The following ZNF638 variants were observed in gnomAD, a reference collection of about 807,000 sequenced individuals.
ZNF638 encodes the protein zinc finger protein 638, also known as CTCL tumor antigen se33-1.
In ZNF638, 46 loss-of-function variants were observed where a neutral mutation model predicts 195.6. That is an observed-to-expected ratio of 0.24 (90% CI 0.19 to 0.30). ZNF638 has a LOEUF of 0.30. Ranked by LOEUF, ZNF638 falls within the 10% of genes least tolerant of loss-of-function variation. The probability of loss-of-function intolerance (pLI) is 1.00; values close to 1 mark genes in which losing one functional copy is unlikely to be tolerated. For synonymous variants in ZNF638, 845 were observed against 772.0 expected, an observed-to-expected ratio of 1.09 and a Z score of -1.57; for missense variants, 2,440 against 2,325.3, an observed-to-expected ratio of 1.05 and a Z score of -1.01.
At chr2:71,409,572 T>C (rs1431448280) in intron 20 of ZNF638, among the ~76,000 whole-genome samples, 1 of 152,192 alleles carries the variant, frequency 6.6e-6, no homozygotes, top group African/African-American at 2.4e-5. Context: ...GTGAGTTTCT[T>C]ATATTCCCAG....
intron 20 of ZNF638, among the ~76,000 whole-genome samples, chr2:71,417,258 CCTTT>C (rs1483702050): frequency 6.6e-6 from 1 of 151,530 alleles, no homozygotes; most frequent in Non-Finnish European, 1.5e-5. Flanking sequence ...GTCCGTCACC[CCTTT>C]CTTTGACTCG....
Position 71,423,481 on chromosome 2 carries a change from G to A in ZNF638, c.3967G>A (p.Asp1323Asn), listed in dbSNP as rs759544281. ...ATTTAATACTAAGGAAACCAGAATGGATCTTCAAATAGGAACAGAGAAGGC... is the reference window on the plus strand; with the variant it reads ...ATTTAATACTAAGGAAACCAGAATGAATCTTCAAATAGGAACAGAGAAGGC... ...KEFNTKETRM[D>N]LQIGTEKAEK... The change falls in exon 22 of 28, where the codon GAT (aspartate) becomes AAT (asparagine). Residue 1323 changes from aspartate (D) to asparagine (N), a missense_variant. Asp to Asn is a conservative substitution (Grantham distance 23, BLOSUM62 1). Around this residue, in one of 5 missense-constraint regions of ZNF638, gnomAD observed 1,883 missense variants for 1,739.1 expected, o/e 1.08. Transcript: ENST00000264447. 1.2e-5 allele frequency: 20 copies of A among 1,613,562 alleles called. No homozygotes were observed. In the South Asian group the frequency reaches 1.8e-4, roughly 14 times the overall value.
chr2:71,420,920 C>A (rs945067601), intron 21 of ZNF638, among the ~76,000 whole-genome samples: 1 of 152,050 alleles, frequency 6.6e-6, no homozygotes. Context: ...TTAAATAATT[C>A]TTCTGAGTAG....
At chr2:71,394,988 A>G (rs187974119) in intron 10 of ZNF638, among the ~76,000 whole-genome samples, 12 of 152,204 alleles carry the variant, frequency 7.9e-5, no homozygotes, top group African/African-American at 1.7e-4. Context: ...CCTCTCTACC[A>G]TGGAACCAAT....
At position 71,349,133 on chromosome 2, in the gene ZNF638, C is replaced by T. The variant is rs751234024; in HGVS notation, c.179C>T (p.Ser60Phe). The T allele has an allele frequency of 8.1e-6, 13 of 1,614,174 alleles. No homozygotes were observed. Among genetic ancestry groups the T allele is most frequent in the Non-Finnish European group, 1.0e-5 (12 of 1,180,028 alleles). ...GIPHRFAGHE[S>F]YQNMGPQRMN... ...CCACACAGATTTGCTGGCCATGAAT[C>T]TTATCAGAACATGGGGCCACAGAGA... Residue 60 changes from serine (S) to phenylalanine (F), a missense_variant, in exon 2 of 28, where the codon TCT becomes TTT. Ser to Phe is a radical substitution (Grantham distance 155). Around this residue, in one of 5 missense-constraint regions of ZNF638, gnomAD observed 191 missense variants for 173.8 expected, o/e 1.10. Transcript: ENST00000264447.
intron 3 of ZNF638, among the ~76,000 whole-genome samples, chr2:71,356,009 T>A (rs2079016738): frequency 6.6e-6 from 1 of 152,228 alleles, no homozygotes. Flanking sequence ...GTAGGTAAAC[T>A]TTTTATGTCA....
In ZNF638 at chr2:71,397,235, C is replaced by T. The variant is rs186225628; in HGVS notation, c.2428+1044C>T. On this transcript the variant is annotated intron_variant, in intron 11 of 27. Transcript: ENST00000264447. ...CCCTTTACTTGCTGGAAATTAATGC[C>T]AGCTATTTTTTATTTTTTCCTTAAG... 3.0e-3 allele frequency among the ~76,000 whole-genome samples: 457 copies of T among 152,070 alleles called. 2 individuals are homozygous for T. Among genetic ancestry groups the T allele is most frequent in the African/African-American group, 0.011 (439 of 41,470 alleles).
chr2:71,364,271 A>G lies in ZNF638; in HGVS notation c.1717+19A>G, dbSNP rs2079158277. On this transcript the variant is annotated intron_variant, in intron 5 of 27. Transcript: ENST00000264447. ...TCATCAGGTACACTGATGGCCATGA[A>G]ATAGTGAATGTACTTATTTTGACTA... 2 of 1,593,540 alleles carry G rather than the reference A, an allele frequency of 1.3e-6. No individual in the cohort carries two copies. The highest frequency in any genetic ancestry group is 2.3e-5 in the South Asian group (2 of 88,324).
intron 3 of ZNF638, among the ~76,000 whole-genome samples, chr2:71,362,731 A>C (rs1205442662): frequency 6.6e-6 from 1 of 152,084 alleles, no homozygotes; most frequent in Non-Finnish European, 1.5e-5. Flanking sequence ...GATTCCTCTC[A>C]GTGGACATAT....
At position 71,426,533 on chromosome 2, in the gene ZNF638, A is replaced by G. The variant is rs1343864835; in HGVS notation, c.4664A>G (p.Gln1555Arg). Residue 1555 changes from glutamine (Q) to arginine (R), a missense_variant, in exon 24 of 28, where the codon CAG becomes CGG. By Grantham distance (43) the Gln-to-Arg change is conservative. This residue lies in a region of ZNF638 where 1,883 missense variants were observed against 1,739.1 expected (regional missense o/e 1.08). Coordinates refer to ENST00000264447, the MANE Select transcript of ZNF638 (RefSeq NM_014497.5). Reference protein sequence around the residue: ...DEVIEEVNPSQAKQNPLKGKR... With the variant: ...DEVIEEVNPSRAKQNPLKGKR... Reference sequence around the variant, plus strand: ...GTTATAGAAGAAGTGAATCCTTCTCAGGCCAAGCAGAATCCACTAAAGGGA... The same window carrying G: ...GTTATAGAAGAAGTGAATCCTTCTCGGGCCAAGCAGAATCCACTAAAGGGA... 5.0e-6 allele frequency: 8 copies of G among 1,613,152 alleles called. No individual in the cohort carries two copies. The highest frequency in any genetic ancestry group is 6.8e-6 in the Non-Finnish European group (8 of 1,179,810).
At chr2:71,350,505 A>G (rs1323071596) in intron 2 of ZNF638, among the ~76,000 whole-genome samples, 1 of 152,202 alleles carries the variant, frequency 6.6e-6, no homozygotes, top group Non-Finnish European at 1.5e-5. Flanking sequence ...TAGTGTGTCC[A>G]TTTATTTTGA....
Position 71,349,243 on chromosome 2 carries a change from G to A in ZNF638, c.289G>A (p.Gly97Arg). The A allele has an allele frequency of 6.2e-7, 1 of 1,614,128 alleles. No individual in the cohort carries two copies. The highest frequency in any genetic ancestry group is 8.5e-7 in the Non-Finnish European group (1 of 1,180,032). The change falls in exon 2 of 28, where the codon GGG (glycine) becomes AGG (arginine). Residue 97 changes from glycine (G) to arginine (R), a missense_variant. By Grantham distance (125) the Gly-to-Arg change is moderately radical. This residue lies in a region of ZNF638 where 191 missense variants were observed against 173.8 expected (regional missense o/e 1.10). Coordinates refer to ENST00000264447, the MANE Select transcript of ZNF638 (RefSeq NM_014497.5). ...LDFHEAQQKK[G>R]KPHGSRWDDE... is the part of the protein sequence containing the mutation. ...TTTTCATGAAGCACAACAGAAGAAG[G>A]GGAAGCCTCATGGTAGCCGGTGGGA...
At chr2:71,373,091 A>G (rs943291532) in intron 8 of ZNF638, among the ~76,000 whole-genome samples, 3 of 152,356 alleles carry the variant, frequency 2.0e-5, no homozygotes, top group African/African-American at 4.8e-5. Flanking sequence ...TGCTCACTAA[A>G]TAACTGTTAT....
At chr2:71,410,496 C>T (rs1288572267) in intron 20 of ZNF638, among the ~76,000 whole-genome samples, 1 of 152,032 alleles carries the variant, frequency 6.6e-6, no homozygotes, top group African/African-American at 2.4e-5. Flanking sequence ...CAGGTGTGAA[C>T]CACTGTGCTT....
Position 71,350,309 on chromosome 2 carries a change from C to T in ZNF638, c.1317+38C>T, listed in dbSNP as rs777945745. The T allele has an allele frequency of 2.6e-6, 4 of 1,560,408 alleles. No homozygotes were observed. The South Asian group carries it at 4.7e-5, about 18-fold the overall frequency. On this transcript the variant is annotated intron_variant, in intron 2 of 27. Transcript: ENST00000264447. The stretch of plus-strand genomic sequence containing the variant: ...AAAAAAAGATCACTGTATAATGATG[C>T]TCAGCGCCAGTTTTCTCTAAATTCT...
intron 15 of ZNF638, 43 bp downstream of exon 15, chr2:71,400,561 T>A: frequency 6.6e-7 from 1 of 1,508,090 alleles, no homozygotes; most frequent in Non-Finnish European, 8.9e-7. Flanking sequence ...GCTCAAGACA[T>A]TTTAACAAAA....
intron 15 of ZNF638, among the ~76,000 whole-genome samples, chr2:71,401,555 T>C (rs1348576070): frequency 6.6e-6 from 1 of 152,034 alleles, no homozygotes. Flanking sequence ...AACTTGTGTT[T>C]TAAAACAGTG....
At chr2:71,351,785 G>A (rs1054788072) in intron 2 of ZNF638, among the ~76,000 whole-genome samples, 18 of 152,030 alleles carry the variant, frequency 1.2e-4, no homozygotes, top group African/African-American at 4.1e-4. Flanking sequence ...GTCTTATTGG[G>A]GAGAAAAATT....
In ZNF638 at chr2:71,423,160, A is replaced by G; in HGVS notation, c.3646A>G (p.Ile1216Val). ...NSDLEKKGAE[I>V]INPKTALLPS... ...TGACTTGGAGAAGAAAGGGGCAGAAATTATTAACCCTAAAACAGCATTGTT... is the reference window on the plus strand; with the variant it reads ...TGACTTGGAGAAGAAAGGGGCAGAAGTTATTAACCCTAAAACAGCATTGTT... Residue 1216 changes from isoleucine (I) to valine (V), a missense_variant, in exon 22 of 28, where the codon ATT becomes GTT. Coordinates refer to ENST00000264447, the MANE Select transcript of ZNF638 (RefSeq NM_014497.5). 6.2e-7 allele frequency: 1 copy of G among 1,614,064 alleles called. No homozygotes were observed. Among genetic ancestry groups the G allele is most frequent in the East Asian group, 2.2e-5 (1 of 44,872 alleles).
Sources: gnomAD v4.1 joint callset for allele counts (sites outside exome capture counted in the v4.1 genomes callset) on GRCh38, gnomAD v4.1.1 for gene constraint, gnomAD v4.1.1 regional missense constraint, MANE v1.5 for transcripts, NCBI Gene and HGNC (gene_info 2026-07-23, HGNC 2026-07-21) for gene names.